The following DLC1 variants were observed in gnomAD, a reference collection of about 807,000 sequenced individuals.
DLC1 encodes rho GTPase-activating protein 7.
Under a neutral mutation model 140.3 loss-of-function variants are expected in DLC1, and 54 were observed. The observed-to-expected ratio is 0.38, with a 90% CI of 0.31 to 0.48. The LOEUF (loss-of-function observed/expected upper bound fraction) is 0.48, where lower values mean the gene tolerates loss of function less well. Ranked by LOEUF, DLC1 falls within the 20% of genes least tolerant of loss-of-function variation. DLC1 has a pLI of 0.96. For missense variants in DLC1, 2,536 were observed against 1,907.0 expected (o/e 1.33, Z -6.14); for synonymous variants, 986 against 728.1 (o/e 1.35, Z -5.70).
chr8:13,321,512 T>TAGCGAC lies in DLC1; in HGVS notation c.1315-16216_1315-16211dup, dbSNP rs1286892087. 3.4e-5 allele frequency among the ~76,000 whole-genome samples: 4 copies of TAGCGAC among 116,146 alleles called. No homozygotes were observed. The Admixed American group carries it at 4.0e-4, about 12-fold the overall frequency. The allele number at this position is 116,146 out of a possible 152,430, so 76.2% of individuals were successfully genotyped here. On this transcript the variant is annotated intron_variant, in intron 4 of 17. Coordinates refer to ENST00000276297, the MANE Select transcript of DLC1 (RefSeq NM_182643.3). ...GAGATCGCACCACTGCACTCCAGCC[T>TAGCGAC]AGCGACAGAGAGAGACTCAGTCTCA...
chr8:13,566,850 C>G (rs757469783), intron 1 of DLC1: 11 of 1,138,302 alleles, frequency 9.7e-6, no homozygotes, highest in East Asian at 2.7e-5. Context: ...GCCAAGACAG[C>G]TGGGAAGGCG....
chr8:13,132,899 C>G (rs1415687912), intron 5 of DLC1: 5 of 1,561,380 alleles, frequency 3.2e-6, no homozygotes, highest in Non-Finnish European at 4.3e-6. Context: ...CCTCCGCAGC[C>G]CGCTCCCGCG....
intron 2 of DLC1, among the ~76,000 whole-genome samples, chr8:13,461,209 C>G (rs990980642): frequency 1.3e-5 from 2 of 152,152 alleles, no homozygotes; most frequent in African/African-American, 4.8e-5. Context: ...GAGCCTGTCT[C>G]AACAGCAATG....
At position 13,423,329 on chromosome 8, in the gene DLC1, A is replaced by C. The variant is rs529441507; in HGVS notation, c.1024-21710T>G. Among the ~76,000 whole-genome samples the C allele has an allele frequency of 3.3e-5, 5 of 152,304 alleles. No individual in the cohort carries two copies. The South Asian group carries it at 1.0e-3, about 32-fold the overall frequency. On this transcript the variant is annotated intron_variant, in intron 2 of 17. Transcript: ENST00000276297. ...GTGATCCCTACTACCTCACAGGGCC[A>C]TCTTTGCAGGAGACATGTACTGGCA...
At chr8:13,384,420 C>G (rs547833425) in intron 4 of DLC1, among the ~76,000 whole-genome samples, 1 of 152,182 alleles carries the variant, frequency 6.6e-6, no homozygotes, top group South Asian at 2.1e-4. Flanking sequence ...AAGAAAACTA[C>G]AAATACAAGT....
chr8:13,518,946 A>T (rs1802679201), upstream of DLC1, among the ~76,000 whole-genome samples: 1 of 152,046 alleles, frequency 6.6e-6, no homozygotes. Flanking sequence ...TAAGCTTTAC[A>T]TGTGTTTTCT....
chr8:13,470,463 A>G (rs1800153721), intron 2 of DLC1, among the ~76,000 whole-genome samples: 2 of 152,194 alleles, frequency 1.3e-5, no homozygotes, highest in African/African-American at 4.8e-5. Context: ...AAGGACATGA[A>G]TAGACATTTC....
At chr8:13,139,158 T>G (rs999419538) in intron 5 of DLC1, among the ~76,000 whole-genome samples, 1 of 151,268 alleles carries the variant, frequency 6.6e-6, no homozygotes, top group Admixed American at 6.6e-5. Flanking sequence ...CTGGGCATGC[T>G]GCTCGCCTGT....
In DLC1 at chr8:13,100,492, G is replaced by A. The variant is rs373454336; in HGVS notation, c.1845C>T (p.Thr615=). 2.5e-5 allele frequency: 41 copies of A among 1,612,734 alleles called. No individual in the cohort carries two copies. The Admixed American group carries it at 3.7e-4, about 14-fold the overall frequency. Residue 615 remains threonine (T), a synonymous_variant, in exon 9 of 18, where the codon ACC becomes ACT. Transcript: ENST00000276297. ...SHAPPSEDAA[T]PRTNSVISVC... ...CGCTGATGACGGAGTTAGTCCGGGG[G>A]GTGGCAGCATCCTCGCTGGGGGGCG...
chr8:13,287,396 A>G (rs1009804094), intron 5 of DLC1, among the ~76,000 whole-genome samples: 2 of 152,194 alleles, frequency 1.3e-5, no homozygotes, highest in African/African-American at 4.8e-5. Flanking sequence ...TTTTTCTAAT[A>G]CTTTATTTTC....
intron 5 of DLC1, among the ~76,000 whole-genome samples, chr8:13,269,824 G>A (rs1830851156): frequency 6.6e-6 from 1 of 151,292 alleles, no homozygotes; most frequent in Admixed American, 6.6e-5. Flanking sequence ...TTGGGAGGCT[G>A]AAGCAGGCGG....
chr8:13,469,262 A>T (rs1308507222), intron 2 of DLC1, among the ~76,000 whole-genome samples: 1 of 152,160 alleles, frequency 6.6e-6, no homozygotes, highest in East Asian at 1.9e-4. Context: ...GTGTTTAAAG[A>T]CTTAAAAACT....
At position 13,100,451 on chromosome 8, in the gene DLC1, T is replaced by C; in HGVS notation, c.1886A>G (p.Asn629Ser). The C allele has an allele frequency of 6.2e-7, 1 of 1,613,854 alleles. No homozygotes were observed. The highest frequency in any genetic ancestry group is 1.1e-5 in the South Asian group (1 of 91,076). The change falls in exon 9 of 18, where the codon AAC (asparagine) becomes AGC (serine). Residue 629 changes from asparagine to serine, a missense_variant. Physicochemically the swap from Asn to Ser is conservative, Grantham distance 46 (BLOSUM62 1). Transcript: ENST00000276297. ...GAAAGAGTCGTCATTGCCTGCCAAG[T>C]TGCTGGAGGAGCAAACGCTGATGAC... ...NSVISVCSSS[N>S]LAGNDDSFGS...
intron 10 of DLC1, 141 bp from the exon 11 acceptor site, chr8:13,095,386 T>C: frequency 2.8e-6 from 3 of 1,083,896 alleles, no homozygotes; most frequent in Admixed American, 2.6e-5. Context: ...TTAAACAAAA[T>C]GACAAATTCA....
At chr8:13,175,577 T>C (rs1055215378) in intron 5 of DLC1, among the ~76,000 whole-genome samples, 4 of 152,156 alleles carry the variant, frequency 2.6e-5, no homozygotes, top group East Asian at 1.9e-4. Context: ...AAAATAACTC[T>C]ATAGACTCAC....
intron 5 of DLC1, among the ~76,000 whole-genome samples, chr8:13,150,918 T>A (rs1350918376): frequency 1.3e-5 from 2 of 152,220 alleles, no homozygotes; most frequent in Non-Finnish European, 2.9e-5. Context: ...AGCTCAGATG[T>A]TTTAAAGAAA....
At chr8:13,317,571 A>T (rs57802634) in intron 4 of DLC1, among the ~76,000 whole-genome samples, 11,466 of 152,218 alleles carry the variant, frequency 0.075, 495 homozygotes, top group South Asian at 0.097. Flanking sequence ...GGCTATGGTC[A>T]GTATTTTTTT....
At chr8:13,450,212 T>TG (rs202236704) in intron 2 of DLC1, among the ~76,000 whole-genome samples, 3,563 of 151,890 alleles carry the variant, frequency 0.023, 61 homozygotes, top group Middle Eastern at 0.041. Context: ...CACAGCACTT[T>TG]GGGGGGCTGA....
At chr8:13,301,914 C>T (rs1188289) in intron 5 of DLC1, among the ~76,000 whole-genome samples, 3,969 of 152,240 alleles carry the variant, frequency 0.026, 167 homozygotes, top group African/African-American at 0.09. Flanking sequence ...CCCTCCCCTA[C>T]CCAACTCCGT....
Sources: allele counts gnomAD v4.1 joint callset (sites outside exome capture counted in the v4.1 genomes callset), GRCh38; gene constraint gnomAD v4.1.1; transcripts MANE v1.5; gene names NCBI Gene and HGNC (gene_info 2026-07-23, HGNC 2026-07-21).